AMPH: variants seen among roughly 807,000 people sequenced by gnomAD.
AMPH encodes amphiphysin, also known as amphiphysin (Stiff-Mann syndrome with breast cancer 128kD autoantigen).
AMPH carries 49 observed loss-of-function variants against 99.1 expected under a neutral mutation model. The observed-to-expected ratio is 0.49, with a 90% CI of 0.39 to 0.63. The LOEUF (loss-of-function observed/expected upper bound fraction) is 0.63, where lower values mean the gene tolerates loss of function less well. Ranked by LOEUF, AMPH falls within the 20% of genes least tolerant of loss-of-function variation. AMPH has a pLI of 0.00. For missense variants in AMPH, 759 were observed against 863.4 expected (o/e 0.88, Z 1.52); for synonymous variants, 314 against 317.3 (o/e 0.99, Z 0.11).
intron 3 of AMPH, among the ~76,000 whole-genome samples, chr7:38,500,512 T>C (rs1409896575): frequency 1.3e-5 from 2 of 152,184 alleles, no homozygotes; most frequent in Non-Finnish European, 2.9e-5. Context: ...CCTCAGGGAA[T>C]TCTTCTAGAT....
At chr7:38,422,900 G>A (rs975736602) in intron 15 of AMPH, among the ~76,000 whole-genome samples, 1 of 152,194 alleles carries the variant, frequency 6.6e-6, no homozygotes, top group Non-Finnish European at 1.5e-5. Flanking sequence ...GATTACAGGT[G>A]GGAGCCACCA....
At chr7:38,563,426 A>G (rs1791625076) in intron 1 of AMPH, among the ~76,000 whole-genome samples, 2 of 152,270 alleles carry the variant, frequency 1.3e-5, no homozygotes, top group African/African-American at 4.8e-5. Flanking sequence ...TCACACCTCA[A>G]TTTCCTAGGA....
Position 38,436,299 on chromosome 7 carries a change from A to G in AMPH, c.1107T>C (p.Ala369=). The G allele has an allele frequency of 6.2e-7, 1 of 1,614,194 alleles. No homozygotes were observed. The change falls in exon 12 of 21, where the codon GCT becomes GCC. Residue 369 remains alanine, a synonymous_variant. Transcript: ENST00000356264. ...FKPEVTPAGS[A]GVTHSPMSQT... ...GAGACATGGGTGAGTGGGTCACTCC[A>G]GCAGAACCTGCAGGTGTCACCTCGG...
chr7:38,435,934 A>G lies in AMPH; in HGVS notation c.1134+338T>C, dbSNP rs1274997763. On this transcript the variant is annotated intron_variant, in intron 12 of 20. Coordinates refer to ENST00000356264, the MANE Select transcript of AMPH (RefSeq NM_001635.4). Reference sequence around the variant, plus strand: ...GAGCAAGAAGAGTAAACCCAAAACCAAAAGAAAGAGCTTCATCCAGGGAAA... The same window carrying G: ...GAGCAAGAAGAGTAAACCCAAAACCGAAAGAAAGAGCTTCATCCAGGGAAA... Among the ~76,000 whole-genome samples, 3 of 152,220 alleles carry G rather than the reference A, an allele frequency of 2.0e-5. 1 individual carries two copies. The highest frequency in any genetic ancestry group is 7.2e-5 in the African/African-American group (3 of 41,458).
chr7:38,572,810 G>A (rs1212551862), intron 1 of AMPH, among the ~76,000 whole-genome samples: 1 of 152,048 alleles, frequency 6.6e-6, no homozygotes, highest in African/African-American at 2.4e-5. Context: ...CAACCAACAG[G>A]GAGTGTGGGA....
intron 17 of AMPH, among the ~76,000 whole-genome samples, chr7:38,406,731 C>CCCTCTCTCT (rs1785011829): frequency 1.2e-5 from 1 of 80,550 alleles, no homozygotes; most frequent in African/African-American, 5.5e-5. Flanking sequence ...TCTCCCTTTC[C>CCCTCTCTCT]CTCTCTCTCT....
At chr7:38,502,873 C>T (rs1482751286) in intron 3 of AMPH, among the ~76,000 whole-genome samples, 3 of 152,188 alleles carry the variant, frequency 2.0e-5, no homozygotes, top group South Asian at 2.1e-4. Context: ...GGGAGTAAAG[C>T]GTGAGGTTGA....
Position 38,384,855 on chromosome 7 carries a change from C to A in AMPH, c.2051G>T (p.Gly684Val). ...TCGGGTGAAGTTCTCTGGAAAGAGG[C>A]CTTTGTAGGTGGCAAGGTCTCTGTA... ...LQYRDLATYK[G>V]LFPENFTRRL... is the part of the protein sequence containing the mutation. Residue 684 changes from glycine to valine, a missense_variant, in exon 21 of 21, where the codon GGC becomes GTC. Around this residue, in one of 2 missense-constraint regions of AMPH, gnomAD observed 554 missense variants for 575.6 expected, o/e 0.96. Coordinates refer to ENST00000356264, the MANE Select transcript of AMPH (RefSeq NM_001635.4). 1.9e-6 allele frequency: 3 copies of A among 1,613,972 alleles called. No individual in the cohort carries two copies. Among genetic ancestry groups the A allele is most frequent in the Non-Finnish European group, 1.7e-6 (2 of 1,179,918 alleles).
intron 2 of AMPH, among the ~76,000 whole-genome samples, chr7:38,519,244 C>A (rs962322784): frequency 1.3e-5 from 2 of 152,148 alleles, no homozygotes; most frequent in Admixed American, 1.3e-4. Context: ...GCTACAGCAG[C>A]AAAAAACAGA....
Position 38,384,746 on chromosome 7 carries a change from A to G in AMPH, c.*72T>C, listed in dbSNP as rs1168777421. 20 of 1,262,138 alleles carry G rather than the reference A, an allele frequency of 1.6e-5. No homozygotes were observed. In the East Asian group the frequency reaches 4.5e-4, roughly 28 times the overall value. 78.2% of individuals were successfully genotyped at this position (1,262,138 alleles called of 1,614,324 possible). ...AAATCATTAAGAGCATAATAACAAA[A>G]GTGAACTCTTCAGGTTTTCATGAAG... On this transcript the variant is annotated 3_prime_UTR_variant, in exon 21 of 21. Transcript: ENST00000356264.
At chr7:38,408,220 T>A (rs1046674963) in intron 17 of AMPH, among the ~76,000 whole-genome samples, 3 of 152,224 alleles carry the variant, frequency 2.0e-5, no homozygotes, top group Admixed American at 1.3e-4. Flanking sequence ...ACCTCCTAAA[T>A]AATCTTTGGT....
chr7:38,436,319 C>A lies in AMPH; in HGVS notation c.1087G>T (p.Val363Leu). ...ACTCCAGCAGAACCTGCAGGTGTCA[C>A]CTCGGGCTTGAAAGGATCAAAGTCC... ...DLDFDPFKPE[V>L]TPAGSAGVTH... The change falls in exon 12 of 21, where the codon GTG (valine) becomes TTG (leucine). Residue 363 changes from valine (V) to leucine (L), a missense_variant. By Grantham distance (32) the Val-to-Leu change is conservative (BLOSUM62 1). Around this residue, in one of 2 missense-constraint regions of AMPH, gnomAD observed 554 missense variants for 575.6 expected, o/e 0.96. Transcript: ENST00000356264. The A allele has an allele frequency of 6.2e-7, 1 of 1,614,168 alleles. No homozygotes were observed. Among genetic ancestry groups the A allele is most frequent in the Non-Finnish European group, 8.5e-7 (1 of 1,180,010 alleles).
intron 20 of AMPH, 80 bp from the exon 21 acceptor site, chr7:38,385,005 T>A: frequency 7.9e-7 from 1 of 1,264,378 alleles, no homozygotes; most frequent in East Asian, 2.4e-5. Flanking sequence ...AATAATGTGT[T>A]ACATTAGTGT....
At chr7:38,413,682 G>C (rs113561732) in intron 17 of AMPH, among the ~76,000 whole-genome samples, 1 of 151,878 alleles carries the variant, frequency 6.6e-6, no homozygotes, top group Non-Finnish European at 1.5e-5. Flanking sequence ...CCATCTCCAA[G>C]GTTCTCATAA....
chr7:38,403,493 T>C (rs1349131691), intron 17 of AMPH, among the ~76,000 whole-genome samples: 1 of 152,152 alleles, frequency 6.6e-6, no homozygotes, highest in Non-Finnish European at 1.5e-5. Context: ...ATACCGGCTG[T>C]GCACCCAGTG....
chr7:38,400,541 C>T (rs1220546758), intron 17 of AMPH, among the ~76,000 whole-genome samples: 1 of 152,178 alleles, frequency 6.6e-6, no homozygotes, highest in Non-Finnish European at 1.5e-5. Context: ...CCTAGGTTAT[C>T]AATCATGTAA....
At chr7:38,562,817 G>A (rs1167527695) in intron 1 of AMPH, among the ~76,000 whole-genome samples, 2 of 152,168 alleles carry the variant, frequency 1.3e-5, no homozygotes, top group African/African-American at 2.4e-5. Context: ...AATGCAAGGA[G>A]TGTGTCTTCA....
At chr7:38,525,221 T>C (rs147124587) in intron 2 of AMPH, among the ~76,000 whole-genome samples, 2,534 of 147,846 alleles carry the variant, frequency 0.017, 99 homozygotes, top group African/African-American at 0.06. Context: ...TTATATATAA[T>C]ATATAGTTGT....
intron 1 of AMPH, among the ~76,000 whole-genome samples, chr7:38,553,433 A>T (rs574776257): frequency 3.3e-5 from 5 of 152,364 alleles, no homozygotes; most frequent in African/African-American, 1.2e-4. Flanking sequence ...GGGGCTGCAG[A>T]CAACCATTTT....
Sources: allele counts gnomAD v4.1 joint callset (sites outside exome capture counted in the v4.1 genomes callset), GRCh38; gene constraint gnomAD v4.1.1; regional missense constraint gnomAD v4.1.1; transcripts MANE v1.5; gene names NCBI Gene and HGNC (gene_info 2026-07-23, HGNC 2026-07-21).